Variants in RBFOX1 observed in about 807,000 individuals in gnomAD.
RBFOX1 encodes RNA binding fox-1 homolog 1.
Under a neutral mutation model 57.7 loss-of-function variants are expected in RBFOX1, and 8 were observed. The ratio of observed to expected loss-of-function variants is 0.14; its 90% CI spans 0.08 to 0.25. The LOEUF is 0.25. RBFOX1 is among the 10% of genes least tolerant of loss of function. The pLI is 1.00. For missense variants in RBFOX1, 611 were observed against 548.5 expected, an observed-to-expected ratio of 1.11 and a Z score of -1.14; for synonymous variants, 326 against 222.4, an observed-to-expected ratio of 1.47 and a Z score of -4.15.
intron 3 of RBFOX1, among the ~76,000 whole-genome samples, chr16:6,935,104 AAAAG>A (rs1305651709): frequency 2.0e-5 from 3 of 152,266 alleles, no homozygotes; most frequent in East Asian, 1.9e-4. Flanking sequence ...AAAAAAAAGA[AAAAG>A]AAAAAACAGC....
At chr16:6,572,232 T>C (rs2097354771) in intron 2 of RBFOX1, among the ~76,000 whole-genome samples, 1 of 152,226 alleles carries the variant, frequency 6.6e-6, no homozygotes, top group Non-Finnish European at 1.5e-5. Flanking sequence ...TCATAATGTA[T>C]ATTTTTAAGT....
chr16:6,899,376 A>C (rs907327014), intron 3 of RBFOX1, among the ~76,000 whole-genome samples: 3 of 152,300 alleles, frequency 2.0e-5, no homozygotes, highest in East Asian at 1.9e-4. Flanking sequence ...TTCCCTAGGC[A>C]TTAAGGCCCT....
intron 4 of RBFOX1, among the ~76,000 whole-genome samples, chr16:7,106,550 G>C (rs1395458841): frequency 6.6e-6 from 1 of 152,080 alleles, no homozygotes; most frequent in Non-Finnish European, 1.5e-5. Flanking sequence ...TTAAACATTT[G>C]TGTTTTCTAT....
chr16:5,637,815 G>T (rs568865793), intron 3 of RBFOX1, among the ~76,000 whole-genome samples: 3 of 152,064 alleles, frequency 2.0e-5, no homozygotes, highest in African/African-American at 7.2e-5. Context: ...AGGAGGGAGG[G>T]CCACAGGGCT....
chr16:5,453,576 T>G (rs2068493634), intron 1 of RBFOX1, among the ~76,000 whole-genome samples: 1 of 152,116 alleles, frequency 6.6e-6, no homozygotes, highest in African/African-American at 2.4e-5. Flanking sequence ...AGAAGCTACA[T>G]GCATCATAGG....
At chr16:7,055,000 CCTTT>C (rs2153735664) in intron 4 of RBFOX1, among the ~76,000 whole-genome samples, 1 of 152,224 alleles carries the variant, frequency 6.6e-6, no homozygotes, top group South Asian at 2.1e-4. Flanking sequence ...GTTAGGATCT[CCTTT>C]CTTTTTCTCA....
At chr16:6,950,254 G>A (rs938446818) in intron 3 of RBFOX1, among the ~76,000 whole-genome samples, 9 of 151,592 alleles carry the variant, frequency 5.9e-5, no homozygotes, top group African/African-American at 2.2e-4. Context: ...CACCATGTCC[G>A]GCCAGCACAT....
At chr16:6,673,773 C>T (rs1379311923) in intron 3 of RBFOX1, among the ~76,000 whole-genome samples, 1 of 152,064 alleles carries the variant, frequency 6.6e-6, no homozygotes, top group Non-Finnish European at 1.5e-5. Flanking sequence ...GGAGATAAGT[C>T]GCATATTCCT....
At chr16:6,700,943 G>C (rs557645086) in intron 3 of RBFOX1, among the ~76,000 whole-genome samples, 2 of 152,096 alleles carry the variant, frequency 1.3e-5, no homozygotes, top group Non-Finnish European at 2.9e-5. Flanking sequence ...TCGAGGTTGG[G>C]TTCACAGATA....
At chr16:5,730,017 T>C (rs2052306213) in intron 3 of RBFOX1, among the ~76,000 whole-genome samples, 1 of 152,206 alleles carries the variant, frequency 6.6e-6, no homozygotes, top group Non-Finnish European at 1.5e-5. Context: ...GTGCCTCAAA[T>C]CCTGCCTTCA....
At chr16:5,996,890 T>C (rs561594156) in intron 4 of RBFOX1, among the ~76,000 whole-genome samples, 1 of 152,214 alleles carries the variant, frequency 6.6e-6, no homozygotes, top group South Asian at 2.1e-4. Context: ...ATTTTTGCCA[T>C]TGAAAGTAAG....
At chr16:6,397,493 A>G (rs924139200) in intron 2 of RBFOX1, among the ~76,000 whole-genome samples, 1 of 152,188 alleles carries the variant, frequency 6.6e-6, no homozygotes, top group Non-Finnish European at 1.5e-5. Flanking sequence ...CAGACAAATG[A>G]AAATAGATGT....
chr16:6,520,491 A>G (rs1038763120), intron 2 of RBFOX1, among the ~76,000 whole-genome samples: 2 of 152,212 alleles, frequency 1.3e-5, no homozygotes, highest in African/African-American at 4.8e-5. Context: ...CTTGGTAAAA[A>G]TCATAAAATG....
intron 2 of RBFOX1, among the ~76,000 whole-genome samples, chr16:6,578,662 G>T (rs929866067): frequency 1.6e-5 from 2 of 125,238 alleles, no homozygotes; most frequent in African/African-American, 5.2e-5. Flanking sequence ...ATATAGAGAA[G>T]GAGAGAGAAC....
At chr16:6,726,827 G>A (rs1177403935) in intron 3 of RBFOX1, among the ~76,000 whole-genome samples, 1 of 152,006 alleles carries the variant, frequency 6.6e-6, no homozygotes, top group Non-Finnish European at 1.5e-5. Flanking sequence ...TAGTTTTAAG[G>A]AACACCAAGT....
chr16:5,870,591 C>T (rs1360046729), intron 4 of RBFOX1, among the ~76,000 whole-genome samples: 1 of 151,844 alleles, frequency 6.6e-6, no homozygotes, highest in Middle Eastern at 3.4e-3. Flanking sequence ...TCCAGTCTCC[C>T]ATTTCCCAGA....
chr16:6,181,053 A>G (rs539893010), intron 1 of RBFOX1, among the ~76,000 whole-genome samples: 1 of 152,116 alleles, frequency 6.6e-6, no homozygotes, highest in Non-Finnish European at 1.5e-5. Context: ...AATCTTTCCA[A>G]GTATTTAGAC....
intron 3 of RBFOX1, among the ~76,000 whole-genome samples, chr16:6,774,529 C>T (rs1164449041): frequency 1.3e-5 from 2 of 152,056 alleles, no homozygotes; most frequent in Non-Finnish European, 2.9e-5. Flanking sequence ...TCTCTATGTT[C>T]AGAGAATTAT....
At chr16:7,192,280 C>T (rs1045475877) in intron 4 of RBFOX1, among the ~76,000 whole-genome samples, 1 of 152,092 alleles carries the variant, frequency 6.6e-6, no homozygotes, top group Non-Finnish European at 1.5e-5. Flanking sequence ...GAGAGAGTTT[C>T]CTTGTGAATC....
Sources: gnomAD v4.1 joint callset for allele counts (sites outside exome capture counted in the v4.1 genomes callset) on GRCh38, gnomAD v4.1.1 for gene constraint, MANE v1.5 for transcripts, NCBI Gene and HGNC (gene_info 2026-07-23, HGNC 2026-07-21) for gene names.